The following GDI2 variants were observed in gnomAD, a reference collection of about 807,000 sequenced individuals.
The protein encoded by GDI2 is GDP dissociation inhibitor 2, also known as rab GDP dissociation inhibitor beta.
In GDI2, 22 loss-of-function variants were observed where a neutral mutation model predicts 54.2. The ratio of observed to expected loss-of-function variants is 0.41; its 90% CI spans 0.29 to 0.58. The LOEUF is 0.58. GDI2 is among the 20% of genes least tolerant of loss of function. The pLI is 0.35. For synonymous variants in GDI2, 177 were observed against 182.1 expected (o/e 0.97, Z 0.23); for missense variants, 422 against 546.0 (o/e 0.77, Z 2.26).
At chr10:5,779,694 C>CT (rs368605604) in intron 6 of GDI2, among the ~76,000 whole-genome samples, 15,638 of 139,766 alleles carry the variant, frequency 0.11, 896 homozygotes, top group East Asian at 0.14. Flanking sequence ...AAGTTTGATG[C>CT]TTTTTTTTTT....
chr10:5,790,653 C>CA (rs200043109), intron 4 of GDI2, among the ~76,000 whole-genome samples: 3,781 of 150,240 alleles, frequency 0.025, 57 homozygotes, highest in South Asian at 0.043. Flanking sequence ...TCTCAAAAAA[C>CA]AAAAAAAAAT....
intron 8 of GDI2, among the ~76,000 whole-genome samples, chr10:5,767,616 A>G (rs1309088590): frequency 1.3e-5 from 2 of 152,126 alleles, no homozygotes; most frequent in East Asian, 1.9e-4. Flanking sequence ...GGGAAAAAAA[A>G]TCATTATACA....
intron 1 of GDI2, among the ~76,000 whole-genome samples, chr10:5,803,484 TTTA>T (rs1564399098): frequency 6.6e-6 from 1 of 152,146 alleles, no homozygotes; most frequent in Non-Finnish European, 1.5e-5. Context: ...ATGTAATCGG[TTTA>T]TTATTTGTCA....
intron 7 of GDI2, among the ~76,000 whole-genome samples, chr10:5,772,207 T>TG (rs1840506583): frequency 6.6e-6 from 1 of 152,234 alleles, no homozygotes. Context: ...GTGATACTGA[T>TG]GACCCCAACC....
At chr10:5,811,848 A>G in intron 1 of GDI2, 1 of 656,510 alleles carries the variant, frequency 1.5e-6, no homozygotes, top group Non-Finnish European at 2.3e-6. Flanking sequence ...CAGACCAGAA[A>G]AACACGATTC....
chr10:5,772,742 G>A (rs1314334675), intron 7 of GDI2, among the ~76,000 whole-genome samples: 3 of 152,178 alleles, frequency 2.0e-5, no homozygotes, highest in Non-Finnish European at 4.4e-5. Context: ...CGGCGACAGA[G>A]CAAAACGATT....
chr10:5,781,184 AAG>A (rs1554788271), intron 6 of GDI2, among the ~76,000 whole-genome samples: 5 of 151,746 alleles, frequency 3.3e-5, no homozygotes, highest in Non-Finnish European at 7.4e-5. Context: ...AAAAAAAAAA[AAG>A]AACCTCAAGT....
At chr10:5,770,199 G>A (rs1840454808) in intron 7 of GDI2, among the ~76,000 whole-genome samples, 1 of 152,172 alleles carries the variant, frequency 6.6e-6, no homozygotes, top group Non-Finnish European at 1.5e-5. Context: ...AAAGTAGAAT[G>A]GTGCTTGCCA....
chr10:5,768,177 A>G lies in GDI2; in HGVS notation c.991+36T>C, dbSNP rs375816789. 1.9e-5 allele frequency: 29 copies of G among 1,563,018 alleles called. No individual in the cohort carries two copies. The African/African-American group carries it at 3.1e-4, about 17-fold the overall frequency. On this transcript the variant is annotated intron_variant, in intron 8 of 10. Coordinates refer to ENST00000380191, the MANE Select transcript of GDI2 (RefSeq NM_001494.4). This position sits in a 1 kb window ranked among gnomAD's most constrained non-coding sequence, Gnocchi z 4.4. ...AACACAAAGCAAATTATATCTTACA[A>G]AATTCTACCAACATCTGCTGGTCTT...
At chr10:5,778,087 A>T (rs1252274305) in intron 6 of GDI2, among the ~76,000 whole-genome samples, 1 of 152,216 alleles carries the variant, frequency 6.6e-6, no homozygotes, top group Admixed American at 6.5e-5. Flanking sequence ...TTGAACAATG[A>T]CAACACATGG....
chr10:5,766,170 G>T lies in GDI2; in HGVS notation c.1192-18C>A, dbSNP rs369570588. 1 of 1,612,978 alleles carries T rather than the reference G, an allele frequency of 6.2e-7. No homozygotes were observed. The highest frequency in any genetic ancestry group is 8.5e-7 in the Non-Finnish European group (1 of 1,179,040). On this transcript the variant is annotated intron_variant, in intron 10 of 10. Coordinates refer to ENST00000380191, the MANE Select transcript of GDI2 (RefSeq NM_001494.4). This position sits in a 1 kb window ranked among gnomAD's most constrained non-coding sequence, Gnocchi z 5.8. ...ATAAAGATCTGAAAACAAAAATTAC[G>T]AAGACTTAAGACCATGGAGGGATGT...
At chr10:5,787,257 C>T (rs1235794022) in intron 4 of GDI2, among the ~76,000 whole-genome samples, 2 of 152,336 alleles carry the variant, frequency 1.3e-5, no homozygotes, top group East Asian at 3.9e-4. Flanking sequence ...ATAATCCCAG[C>T]ACTTTGGAAG....
intron 6 of GDI2, among the ~76,000 whole-genome samples, chr10:5,779,063 G>A (rs192094998): frequency 1.6e-4 from 24 of 152,242 alleles, no homozygotes; most frequent in Non-Finnish European, 2.4e-4. Context: ...AAAATACGCA[G>A]TTTAAAAGCA....
chr10:5,789,196 T>C (rs941712651), intron 4 of GDI2, among the ~76,000 whole-genome samples: 4 of 152,046 alleles, frequency 2.6e-5, no homozygotes, highest in African/African-American at 9.7e-5. Flanking sequence ...GCCACCAACT[T>C]CCTGGGCTCA....
chr10:5,784,367 T>C (rs1840826503), intron 6 of GDI2, among the ~76,000 whole-genome samples: 1 of 152,220 alleles, frequency 6.6e-6, no homozygotes, highest in Admixed American at 6.5e-5. Flanking sequence ...GGACTTCACC[T>C]TTCTCTCGTG....
At chr10:5,791,842 G>C (rs955299766) in intron 4 of GDI2, among the ~76,000 whole-genome samples, 4 of 152,066 alleles carry the variant, frequency 2.6e-5, no homozygotes, top group African/African-American at 9.7e-5. Flanking sequence ...CTTCAACTCA[G>C]GAGACAGAGG....
At position 5,804,124 on chromosome 10, in the gene GDI2, C is replaced by T. The variant is rs116587941; in HGVS notation, c.46-3419G>A. Among the ~76,000 whole-genome samples the T allele has an allele frequency of 5.5e-3, 819 of 150,208 alleles. 7 individuals are homozygous for T. The highest frequency in any genetic ancestry group is 0.018 in the African/African-American group (725 of 40,864). The stretch of plus-strand genomic sequence containing the variant: ...TTTTTTTTTATTGAGATAGGAGTCT[C>T]ACCCTGTTGCCCAGACTGGAGTGCA... On this transcript the variant is annotated intron_variant, in intron 1 of 10. Transcript: ENST00000380191.
At chr10:5,795,491 C>T (rs538574140) in intron 3 of GDI2, among the ~76,000 whole-genome samples, 3 of 152,170 alleles carry the variant, frequency 2.0e-5, no homozygotes, top group African/African-American at 4.8e-5. Context: ...GCATATTACA[C>T]GTTTTTGTTA....
chr10:5,792,785 G>A lies in GDI2; in HGVS notation c.388+2100C>T, dbSNP rs578041975. 6.0e-5 allele frequency among the ~76,000 whole-genome samples: 9 copies of A among 150,966 alleles called. No homozygotes were observed. In the South Asian group the frequency reaches 8.4e-4, roughly 14 times the overall value. On this transcript the variant is annotated intron_variant, in intron 4 of 10. Coordinates refer to ENST00000380191, the MANE Select transcript of GDI2 (RefSeq NM_001494.4). ...AAAAGTAAGAATGAGACCAAGACTC[G>A]AAATATACCTTTTAACTTTCAAGCT... is the stretch of plus-strand genomic sequence containing the variant.
Sources: gnomAD v4.1 joint callset for allele counts (sites outside exome capture counted in the v4.1 genomes callset) on GRCh38, gnomAD v4.1.1 for gene constraint, Gnocchi (gnomAD v3.1) non-coding constraint, MANE v1.5 for transcripts, NCBI Gene and HGNC (gene_info 2026-07-23, HGNC 2026-07-21) for gene names.